The following CDH4 variants were observed in gnomAD, a reference collection of about 807,000 sequenced individuals.
CDH4 encodes the protein cadherin 4, also known as cadherin-4.
Under a neutral mutation model 86.0 loss-of-function variants are expected in CDH4, and 33 were observed. The ratio of observed to expected loss-of-function variants is 0.38; its 90% CI spans 0.29 to 0.51. CDH4 has a LOEUF of 0.51. Among genes scored for constraint, CDH4 ranks in the 20% least tolerant of loss-of-function variants. The probability of loss-of-function intolerance (pLI) is 0.86; values close to 1 mark genes in which losing one functional copy is unlikely to be tolerated. For missense variants in CDH4, 1,114 were observed against 1,307.4 expected (o/e 0.85, Z 2.28); for synonymous variants, 555 against 549.4 (o/e 1.01, Z -0.14).
chr20:61,307,573 C>T (rs2084424071), intron 2 of CDH4, among the ~76,000 whole-genome samples: 1 of 152,246 alleles, frequency 6.6e-6, no homozygotes, highest in African/African-American at 2.4e-5. Flanking sequence ...GCTGGGCAGG[C>T]TGGACCTCGA....
At chr20:61,360,715 G>A (rs1364530066) in intron 2 of CDH4, among the ~76,000 whole-genome samples, 3 of 152,154 alleles carry the variant, frequency 2.0e-5, no homozygotes, top group African/African-American at 4.8e-5. Flanking sequence ...GAGGCCATGG[G>A]TCATGGGGGT....
intron 2 of CDH4, among the ~76,000 whole-genome samples, chr20:61,658,887 G>A (rs2087221669): frequency 1.3e-5 from 2 of 152,182 alleles, no homozygotes; most frequent in African/African-American, 4.8e-5. Flanking sequence ...GTAGGGGGGA[G>A]TGACATGCGG....
intron 11 of CDH4, 107 bp from the exon 12 acceptor site, chr20:61,928,083 C>G (rs903466552): frequency 2.3e-6 from 2 of 852,992 alleles, no homozygotes; most frequent in African/African-American, 3.3e-5. Flanking sequence ...ACATGTGTCC[C>G]TGTGTATGTT....
chr20:61,330,436 T>G (rs1440906159), intron 2 of CDH4, among the ~76,000 whole-genome samples: 1 of 152,192 alleles, frequency 6.6e-6, no homozygotes, highest in Non-Finnish European at 1.5e-5. Flanking sequence ...TATCTCATTG[T>G]GGTTTTGATT....
chr20:61,603,910 A>G (rs2086622485), intron 2 of CDH4, among the ~76,000 whole-genome samples: 1 of 152,342 alleles, frequency 6.6e-6, no homozygotes, highest in East Asian at 1.9e-4. Context: ...TCATATACAC[A>G]TGTGGGTATG....
intron 2 of CDH4, among the ~76,000 whole-genome samples, chr20:61,292,108 C>T (rs770174644): frequency 4.6e-5 from 7 of 152,206 alleles, no homozygotes; most frequent in Non-Finnish European, 1.0e-4. Flanking sequence ...AGAACTACCA[C>T]TTGATCCAGC....
At chr20:61,546,142 T>G (rs1201059609) in intron 2 of CDH4, among the ~76,000 whole-genome samples, 488 of 33,232 alleles carry the variant, frequency 0.015, no homozygotes, top group Middle Eastern at 0.13. Flanking sequence ...GATACGGTAT[T>G]TGTTCACATT....
At chr20:61,599,740 A>C in intron 2 of CDH4, 1 of 961,034 alleles carries the variant, frequency 1.0e-6, no homozygotes, top group Non-Finnish European at 1.2e-6. Flanking sequence ...CCTCCTCCTG[A>C]CGCGGCTCTG....
At chr20:61,921,174 A>AGTGATTGCATGGAAGCGTGGTGTC (rs910536611) in intron 9 of CDH4, among the ~76,000 whole-genome samples, 1 of 122,056 alleles carries the variant, frequency 8.2e-6, no homozygotes, top group Non-Finnish European at 1.7e-5. Flanking sequence ...GTGGTGTCAC[A>AGTGATTGCATGGAAGCGTGGTGTC]GTGATTGCAT....
At chr20:61,791,763 C>T (rs531030200) in intron 4 of CDH4, among the ~76,000 whole-genome samples, 1 of 152,308 alleles carries the variant, frequency 6.6e-6, no homozygotes, top group East Asian at 1.9e-4. Flanking sequence ...CTGAACTGGG[C>T]CTGCATGGCA....
At chr20:61,440,346 A>G (rs781229054) in intron 2 of CDH4, among the ~76,000 whole-genome samples, 13 of 152,170 alleles carry the variant, frequency 8.5e-5, no homozygotes, top group Non-Finnish European at 1.3e-4. Flanking sequence ...ACTCTTTGCA[A>G]TGGGGCTCTG....
intron 2 of CDH4, among the ~76,000 whole-genome samples, chr20:61,506,262 C>G (rs967320353): frequency 6.6e-6 from 1 of 152,214 alleles, no homozygotes; most frequent in Non-Finnish European, 1.5e-5. Context: ...AAACAAAACT[C>G]TAGACAATTC....
At chr20:61,491,917 C>G (rs1421296100) in intron 2 of CDH4, among the ~76,000 whole-genome samples, 1 of 151,178 alleles carries the variant, frequency 6.6e-6, no homozygotes, top group Non-Finnish European at 1.5e-5. Flanking sequence ...GCTGGTGGTA[C>G]TGATGTTGCT....
chr20:61,894,941 C>G lies in CDH4; in HGVS notation c.1082C>G (p.Ala361Gly), dbSNP rs778071640. ...CAGCAGTACACAGTCATCGTTCAGG[C>G]CACAGATATGGAAGGAAATCTCAAC... ...KVQQYTVIVQ[A>G]TDMEGNLNYG... Residue 361 changes from alanine to glycine, a missense_variant, in exon 8 of 16, where the codon GCC becomes GGC. Coordinates refer to ENST00000614565, the MANE Select transcript of CDH4 (RefSeq NM_001794.5). The G allele has an allele frequency of 4.6e-5, 74 of 1,613,790 alleles. No homozygotes were observed. The highest frequency in any genetic ancestry group is 3.5e-4 in the Admixed American group (21 of 60,012).
rs566660696 is a variant in CDH4, at chr20:61,646,609, G to A, written c.170-96954G>A. On this transcript the variant is annotated intron_variant, in intron 2 of 15. Transcript: ENST00000614565. ...GGGGGGACGAAGGTAAAGAGGGGCC[G>A]TGCCCTGGGGCTCTGAGCAGCTTCT... 4.7e-4 allele frequency among the ~76,000 whole-genome samples: 71 copies of A among 152,346 alleles called. 1 individual carries two copies. Among genetic ancestry groups the A allele is most frequent in the East Asian group, 1.2e-3 (6 of 5,174 alleles).
intron 7 of CDH4, among the ~76,000 whole-genome samples, chr20:61,890,800 C>T (rs1168430483): frequency 3.9e-5 from 6 of 152,106 alleles, no homozygotes; most frequent in Non-Finnish European, 7.3e-5. Context: ...CTGTTAGACA[C>T]GACTCATTAA....
At chr20:61,904,273 G>A (rs1252584633) in intron 8 of CDH4, among the ~76,000 whole-genome samples, 1 of 152,196 alleles carries the variant, frequency 6.6e-6, no homozygotes, top group Non-Finnish European at 1.5e-5. Context: ...CTCTCGTGGG[G>A]CTCCCAGTCC....
chr20:61,808,447 C>T (rs551458662), intron 4 of CDH4, among the ~76,000 whole-genome samples: 6 of 152,180 alleles, frequency 3.9e-5, no homozygotes, highest in South Asian at 2.1e-4. Flanking sequence ...GGAAAGCCTC[C>T]GTGTAGACTT....
chr20:61,662,151 C>G lies in CDH4; in HGVS notation c.170-81412C>G, dbSNP rs560217454. 1.2e-4 allele frequency among the ~76,000 whole-genome samples: 19 copies of G among 152,288 alleles called. No homozygotes were observed. The East Asian group carries it at 3.3e-3, about 26-fold the overall frequency. On this transcript the variant is annotated intron_variant, in intron 2 of 15. Coordinates refer to ENST00000614565, the MANE Select transcript of CDH4 (RefSeq NM_001794.5). Reference sequence around the variant, plus strand: ...TCCCCTTTGAACCCCAACTGACCCCCCTAATCTGCCATGGCCTGGTGTGTG... The same window carrying G: ...TCCCCTTTGAACCCCAACTGACCCCGCTAATCTGCCATGGCCTGGTGTGTG...
Sources: allele counts gnomAD v4.1 joint callset (sites outside exome capture counted in the v4.1 genomes callset), GRCh38; gene constraint gnomAD v4.1.1; transcripts MANE v1.5; gene names NCBI Gene and HGNC (gene_info 2026-07-23, HGNC 2026-07-21).